MRPS5: variants seen among roughly 807,000 people sequenced by gnomAD.
The protein encoded by MRPS5 is mitochondrial ribosomal protein S5.
A neutral mutation model predicts 51.9 loss-of-function variants in MRPS5; 27 were observed. The observed-to-expected ratio is 0.52, with a 90% CI of 0.38 to 0.72. The LOEUF is 0.72. Ranked by LOEUF, MRPS5 falls within the 30% of genes least tolerant of loss-of-function variation. The pLI, the probability that MRPS5 is intolerant of heterozygous loss-of-function variation, is 0.00. For synonymous variants in MRPS5, 196 were observed against 193.2 expected, an observed-to-expected ratio of 1.01 and a Z score of -0.12; for missense variants, 570 against 545.7, an observed-to-expected ratio of 1.04 and a Z score of -0.44.
Position 95,087,497 on chromosome 2 carries a change from C to T in MRPS5, c.1153G>A (p.Ala385Thr). 1 of 1,614,204 alleles carries T rather than the reference C, an allele frequency of 6.2e-7. No individual in the cohort carries two copies. The highest frequency in any genetic ancestry group is 8.5e-7 in the Non-Finnish European group (1 of 1,180,040). The change falls in exon 12 of 12, where the codon GCG becomes ACG. Residue 385 changes from alanine (A) to threonine (T), a missense_variant. Coordinates refer to ENST00000272418, the MANE Select transcript of MRPS5 (RefSeq NM_031902.5). ...TTCCTCAAGGGCCCCCGGGGGGACG[C>T]AACCACAATGGGCAGAGGGCCACAT... ...EECGPLPIVV[A>T]SPRGPLRKDP...
Position 95,086,420 on chromosome 2 carries a change from A to T in MRPS5, c.*937T>A, listed in dbSNP as rs1293379186. On this transcript the variant is annotated 3_prime_UTR_variant, in exon 12 of 12. Coordinates refer to ENST00000272418, the MANE Select transcript of MRPS5 (RefSeq NM_031902.5). ...GTTAAAGTACTGCATGGATGGTTCA[A>T]GAGCAGAATGGAAAGGAAAGAGTAA... Among the ~76,000 whole-genome samples the T allele has an allele frequency of 6.6e-6, 1 of 152,254 alleles. No homozygotes were observed. Among genetic ancestry groups the T allele is most frequent in the African/African-American group, 2.4e-5 (1 of 41,468 alleles).
At chr2:95,113,040 T>A (rs150299912) in intron 3 of MRPS5, among the ~76,000 whole-genome samples, 1 of 150,368 alleles carries the variant, frequency 6.7e-6, no homozygotes, top group Admixed American at 6.6e-5. Flanking sequence ...TACTGCTTCA[T>A]GTCACTGAGG....
intron 7 of MRPS5, chr2:95,101,997 C>A: frequency 3.1e-6 from 1 of 324,708 alleles, no homozygotes; most frequent in Non-Finnish European, 5.7e-6. Flanking sequence ...CTATTAAGAA[C>A]AAAATTTAAA....
rs544380563 is a variant in MRPS5 at position 95,086,521 on chromosome 2, A to C, written c.*836T>G. Reference sequence around the variant, plus strand: ...ACACAGAGAAAACAGACTGGAAAAAAAATAAACAGCGCCTCAGGGACTCAC... The same window carrying C: ...ACACAGAGAAAACAGACTGGAAAAACAATAAACAGCGCCTCAGGGACTCAC... On this transcript the variant is annotated 3_prime_UTR_variant, in exon 12 of 12. Transcript: ENST00000272418. Among the ~76,000 whole-genome samples, 57 of 152,338 alleles carry C rather than the reference A, an allele frequency of 3.7e-4. No homozygotes were observed. Among genetic ancestry groups the C allele is most frequent in the African/African-American group, 1.3e-3 (56 of 41,578 alleles).
At chr2:95,117,153 A>T (rs1676309222) in intron 2 of MRPS5, among the ~76,000 whole-genome samples, 1 of 151,994 alleles carries the variant, frequency 6.6e-6, no homozygotes, top group African/African-American at 2.4e-5. Flanking sequence ...AAAGAAAAAA[A>T]AAAAAAAAGA....
intron 7 of MRPS5, among the ~76,000 whole-genome samples, chr2:95,102,141 G>A (rs1289664287): frequency 6.6e-6 from 1 of 150,812 alleles, no homozygotes; most frequent in Non-Finnish European, 1.5e-5. Flanking sequence ...GATAGAGCAA[G>A]ACCCTGTCTC....
chr2:95,092,435 T>C (rs1042538501), intron 10 of MRPS5: 1 of 152,254 alleles, frequency 6.6e-6, no homozygotes, highest in African/African-American at 2.4e-5. Flanking sequence ...TTCTGCCATC[T>C]GGCATCCTTT....
Position 95,101,022 on chromosome 2 carries a change from T to G in MRPS5, c.811-128A>C, listed in dbSNP as rs529748793. 1.2e-5 allele frequency: 8 copies of G among 695,496 alleles called. No homozygotes were observed. In the East Asian group the frequency reaches 2.3e-4, roughly 20 times the overall value. 43.1% of individuals were successfully genotyped at this position (695,496 alleles called of 1,614,324 possible). A position where few individuals can be genotyped will look rare whatever the true frequency, so the allele number is the denominator to read the frequency against. ...TTACGCAAAAAGGTTAGTATATACT[T>G]CTAAAATATAAGGACTTATTTTTTA... On this transcript the variant is annotated intron_variant, in intron 8 of 11. Coordinates refer to ENST00000272418, the MANE Select transcript of MRPS5 (RefSeq NM_031902.5).
intron 4 of MRPS5, 128 bp downstream of exon 4, chr2:95,109,788 A>C (rs1222113250): frequency 1.3e-5 from 14 of 1,088,496 alleles, no homozygotes; most frequent in Non-Finnish European, 1.7e-5. Flanking sequence ...AACTGGTTGA[A>C]TTCTAAAACC....
chr2:95,115,377 A>ATTT (rs1379036907), intron 2 of MRPS5, among the ~76,000 whole-genome samples, 174 bp from the exon 3 acceptor site: 2 of 152,212 alleles, frequency 1.3e-5, no homozygotes. Flanking sequence ...ATAACAACCT[A>ATTT]AATGCCCAGC....
At chr2:95,118,603 T>C (rs1008152215) in intron 1 of MRPS5, among the ~76,000 whole-genome samples, 34 of 152,136 alleles carry the variant, frequency 2.2e-4, no homozygotes, top group Non-Finnish European at 4.0e-4. Context: ...TCCTACAATG[T>C]TCCCCCTTCC....
At chr2:95,105,697 C>A (rs139199940) in intron 6 of MRPS5, among the ~76,000 whole-genome samples, 11 of 152,220 alleles carry the variant, frequency 7.2e-5, no homozygotes, top group South Asian at 2.1e-4. Context: ...AGAAAATCAC[C>A]CACATATATA....
At chr2:95,089,530 C>T (rs1558674145) in intron 11 of MRPS5, among the ~76,000 whole-genome samples, 1 of 152,210 alleles carries the variant, frequency 6.6e-6, no homozygotes, top group African/African-American at 2.4e-5. Context: ...CAGTCACAGC[C>T]CTGCCCTCCA....
At chr2:95,090,090 T>C (rs944900757) in intron 11 of MRPS5, among the ~76,000 whole-genome samples, 1 of 134,478 alleles carries the variant, frequency 7.4e-6, no homozygotes, top group Admixed American at 8.7e-5. Context: ...GGCAGGAGAA[T>C]GGCGTGAACC....
chr2:95,087,563 C>G lies in MRPS5; in HGVS notation c.1087G>C (p.Ala363Pro). The change falls in exon 12 of 12, where the codon GCT becomes CCT. Residue 363 changes from alanine (A) to proline (P), a missense_variant. By Grantham distance (27) the Ala-to-Pro change is conservative. Transcript: ENST00000272418. ...ACAACATGGAGGCCCTTCTTATCAG[C>G]CAGCTGTTGATGGGTTTCCTAAGCA... is the stretch of plus-strand genomic sequence containing the variant. ...LSRQETHQQL[A>P]DKKGLHVVEI... is the part of the protein sequence containing the mutation. The G allele has an allele frequency of 6.2e-7, 1 of 1,613,582 alleles. No homozygotes were observed. The highest frequency in any genetic ancestry group is 8.5e-7 in the Non-Finnish European group (1 of 1,179,742).
chr2:95,087,485 C>A lies in MRPS5; in HGVS notation c.1165G>T (p.Gly389Trp). The A allele has an allele frequency of 6.2e-7, 1 of 1,614,182 alleles. No individual in the cohort carries two copies. The highest frequency in any genetic ancestry group is 8.5e-7 in the Non-Finnish European group (1 of 1,180,036). ...PLPIVVASPRGPLRKDPEPED... is the reference protein window; with the variant it reads ...PLPIVVASPRWPLRKDPEPED... ...GGCTCTGGATCCTTCCTCAAGGGCC[C>A]CCGGGGGGACGCAACCACAATGGGC... Residue 389 changes from glycine (G) to tryptophan (W), a missense_variant, in exon 12 of 12, where the codon GGG becomes TGG. By Grantham distance (184) the Gly-to-Trp change is radical (BLOSUM62 -2). Transcript: ENST00000272418.
At position 95,114,931 on chromosome 2, in the gene MRPS5, G is replaced by A. The variant is rs1444182067; in HGVS notation, c.277+135C>T. ...AGATAATTCTAGGATGTACATCAAG[G>A]AACATTTTCATTTTAACAGTACATT... On this transcript the variant is annotated intron_variant, in intron 3 of 11. Transcript: ENST00000272418. 4 of 785,668 alleles carry A rather than the reference G, an allele frequency of 5.1e-6. No homozygotes were observed. In the African/African-American group the frequency reaches 5.4e-5, roughly 11 times the overall value. 48.7% of individuals were successfully genotyped at this position (785,668 alleles called of 1,614,324 possible).
intron 3 of MRPS5, among the ~76,000 whole-genome samples, chr2:95,112,430 C>T (rs1049538975): frequency 2.6e-5 from 4 of 152,148 alleles, no homozygotes; most frequent in African/African-American, 9.7e-5. Flanking sequence ...TAATCTTATA[C>T]ATGGAGTTAT....
chr2:95,106,564 C>T, intron 5 of MRPS5, 107 bp from the exon 6 acceptor site: 1 of 951,178 alleles, frequency 1.1e-6, no homozygotes, highest in Non-Finnish European at 1.7e-6. Flanking sequence ...GAGAAAGAAT[C>T]TCAGATCTTT....
Sources: allele counts gnomAD v4.1 joint callset (sites outside exome capture counted in the v4.1 genomes callset), GRCh38; gene constraint gnomAD v4.1.1; transcripts MANE v1.5; gene names NCBI Gene and HGNC (gene_info 2026-07-23, HGNC 2026-07-21).